Variants in CEP83 observed in about 807,000 individuals in gnomAD.
The protein encoded by CEP83 is centrosomal protein of 83 kDa.
Under a neutral mutation model 101.9 loss-of-function variants are expected in CEP83, and 70 were observed. That is an observed-to-expected ratio of 0.69 (90% CI 0.57 to 0.84). CEP83 has a LOEUF of 0.84. CEP83 is among the 40% of genes least tolerant of loss of function. The pLI is 0.00. For synonymous variants in CEP83, 264 were observed against 267.9 expected (o/e 0.99, Z 0.14); for missense variants, 715 against 787.2 (o/e 0.91, Z 1.10).
chr12:94,378,205 A>T (rs1381165869), intron 7 of CEP83, among the ~76,000 whole-genome samples: 3 of 152,224 alleles, frequency 2.0e-5, no homozygotes, highest in Non-Finnish European at 4.4e-5. Context: ...TATCTGAATA[A>T]AATGGAAACC....
At chr12:94,391,035 C>A (rs949486457) in intron 6 of CEP83, among the ~76,000 whole-genome samples, 1 of 152,072 alleles carries the variant, frequency 6.6e-6, no homozygotes, top group Non-Finnish European at 1.5e-5. Context: ...AGAATGGAAC[C>A]AAGCAGGAAA....
chr12:94,453,941 C>G (rs956441241), intron 1 of CEP83, among the ~76,000 whole-genome samples: 2 of 151,996 alleles, frequency 1.3e-5, no homozygotes, highest in South Asian at 4.2e-4. Flanking sequence ...TCTTAAAAAT[C>G]AAAAAATTAG....
intron 11 of CEP83, among the ~76,000 whole-genome samples, chr12:94,353,045 T>A (rs1470850175): frequency 6.6e-6 from 1 of 152,094 alleles, no homozygotes; most frequent in Non-Finnish European, 1.5e-5. Flanking sequence ...CAAGGCATAC[T>A]ATACTCAAAC....
intron 6 of CEP83, among the ~76,000 whole-genome samples, chr12:94,389,644 G>A (rs186485155): frequency 1.2e-3 from 181 of 152,218 alleles, no homozygotes; most frequent in African/African-American, 4.2e-3. Flanking sequence ...GCCCACAGAG[G>A]GTGAGCTGAA....
chr12:94,297,461 A>AGGG, the CEP83 span: 1 of 1,349,476 alleles, frequency 7.4e-7, no homozygotes, highest in Non-Finnish European at 1.1e-6. Context: ...ATGGCTACCT[A>AGGG]GGGGGTGTAT....
chr12:94,386,852 T>A (rs998699385), intron 6 of CEP83, among the ~76,000 whole-genome samples: 7 of 152,178 alleles, frequency 4.6e-5, no homozygotes, highest in Non-Finnish European at 1.0e-4. Flanking sequence ...ATCTAACTCC[T>A]AGCATTGTTG....
intron 6 of CEP83, among the ~76,000 whole-genome samples, chr12:94,385,363 C>CTGT (rs550704955): frequency 3.9e-4 from 59 of 152,126 alleles, no homozygotes; most frequent in African/African-American, 1.3e-3. Context: ...CTGACATGAC[C>CTGT]CAGGATGTCA....
chr12:94,386,876 A>G (rs1033001922), intron 6 of CEP83, among the ~76,000 whole-genome samples: 4 of 152,178 alleles, frequency 2.6e-5, no homozygotes, highest in African/African-American at 9.7e-5. Context: ...TGATTTTTTA[A>G]AAGTATATAT....
intron 14 of CEP83, among the ~76,000 whole-genome samples, chr12:94,330,683 C>G (rs1238589555): frequency 1.3e-5 from 2 of 152,130 alleles, no homozygotes; most frequent in Non-Finnish European, 2.9e-5. Flanking sequence ...CTTTTAACCA[C>G]AAAAGCAATA....
the CEP83 span, chr12:94,277,291 C>T: frequency 6.5e-6 from 1 of 152,838 alleles, no homozygotes; most frequent in Non-Finnish European, 1.5e-5. Flanking sequence ...ATCTAATCCC[C>T]TCCAAAGGCC....
chr12:94,338,985 A>C (rs1742668541), intron 11 of CEP83, among the ~76,000 whole-genome samples: 1 of 148,754 alleles, frequency 6.7e-6, no homozygotes, highest in African/African-American at 2.5e-5. Context: ...TTTTTTAGAG[A>C]TGGAGTTTCA....
chr12:94,386,458 T>C (rs1045288544), intron 6 of CEP83, among the ~76,000 whole-genome samples: 3 of 152,202 alleles, frequency 2.0e-5, no homozygotes, highest in Non-Finnish European at 2.9e-5. Flanking sequence ...TTTCAAATTC[T>C]AGTTTCCTTG....
chr12:94,343,101 G>GTATATATATATATAGAACTTCATATATA (rs545730120), intron 11 of CEP83, among the ~76,000 whole-genome samples: 1 of 149,748 alleles, frequency 6.7e-6, no homozygotes, highest in African/African-American at 2.5e-5. Context: ...GTGTGTGTAT[G>GTATATATATATATAGAACTTCATATATA]TATATATATA....
chr12:94,433,215 T>A (rs2065770226), intron 2 of CEP83, among the ~76,000 whole-genome samples: 1 of 152,180 alleles, frequency 6.6e-6, no homozygotes, highest in African/African-American at 2.4e-5. Context: ...TAGAAGACAT[T>A]ACGGGGTAGA....
chr12:94,366,760 G>C (rs1400607726), intron 11 of CEP83, among the ~76,000 whole-genome samples: 2 of 152,084 alleles, frequency 1.3e-5, no homozygotes, highest in African/African-American at 2.4e-5. Flanking sequence ...CAATTAAAAA[G>C]GAATCAAAGC....
At chr12:94,279,347 A>G in the CEP83 span, 1 of 699,610 alleles carries the variant, frequency 1.4e-6, no homozygotes, top group Non-Finnish European at 2.4e-6. Context: ...GTCTAATGCA[A>G]TACAGTGTTT....
rs142614882 is a variant in CEP83 at position 94,426,334 on chromosome 12, T to C, written c.-102+8941A>G. ...CCCAGCTCAGGAATGCATTACTTCC[T>C]CCATGAAGTAAAGACCCTCCCAAAT... On this transcript the variant is annotated intron_variant, in intron 2 of 16. Transcript: ENST00000397809. 7.5e-3 allele frequency among the ~76,000 whole-genome samples: 1,148 copies of C among 152,270 alleles called. 6 individuals carry two copies. The highest frequency in any genetic ancestry group is 0.012 in the Non-Finnish European group (804 of 68,022).
At chr12:94,432,721 A>G (rs2065732967) in intron 2 of CEP83, among the ~76,000 whole-genome samples, 1 of 152,236 alleles carries the variant, frequency 6.6e-6, no homozygotes, top group Non-Finnish European at 1.5e-5. Flanking sequence ...TATATATTTC[A>G]AAGTAGCTAC....
chr12:94,289,311 C>G, the CEP83 span, among the ~76,000 whole-genome samples: 4 of 152,218 alleles, frequency 2.6e-5, no homozygotes, highest in Admixed American at 1.3e-4. Flanking sequence ...TCTGCCACTT[C>G]TAACGTGGGG....
Sources: allele counts gnomAD v4.1 joint callset (sites outside exome capture counted in the v4.1 genomes callset), GRCh38; gene constraint gnomAD v4.1.1; transcripts MANE v1.5; gene names NCBI Gene and HGNC (gene_info 2026-07-23, HGNC 2026-07-21).